The following MAMLD1 variants were observed in gnomAD, a reference collection of about 807,000 sequenced individuals.
MAMLD1 encodes mastermind-like domain-containing protein 1.
MAMLD1 carries 14 observed loss-of-function variants against 45.0 expected under a neutral mutation model. The observed-to-expected ratio is 0.31, with a 90% CI of 0.21 to 0.49. MAMLD1 has a LOEUF of 0.49. MAMLD1 is among the 20% of genes least tolerant of loss of function. MAMLD1 has a pLI of 0.99. For synonymous variants in MAMLD1, 254 were observed against 247.8 expected (o/e 1.02, Z -0.24); for missense variants, 543 against 603.6 (o/e 0.90, Z 1.05).
intron 3 of MAMLD1, 120 bp from the exon 4 acceptor site, chrX:150,469,624 TC>T: frequency 1.8e-6 from 1 of 551,522 alleles, no homozygotes; most frequent in Admixed American, 3.3e-5. Flanking sequence ...TCTCTCTCTC[TC>T]TTTCTCTCTG....
rs782596241 is a variant in MAMLD1 at position 150,470,830 on chromosome X, G to A, written c.1257G>A (p.Pro419=). 6.1e-5 allele frequency: 74 copies of A among 1,210,173 alleles called. No homozygotes were observed. Among genetic ancestry groups the A allele is most frequent in the Middle Eastern group, 2.3e-4 (1 of 4,375 alleles). Residue 419 remains proline, a synonymous_variant, in exon 4 of 8, where the codon CCG becomes CCA. Coordinates refer to ENST00000370401, the MANE Select transcript of MAMLD1 (RefSeq NM_005491.5). ...KLPSPALTQQ[P]QFGPQSSILA... is the part of the protein sequence containing the mutation. ...CCAGCCCTGCTCTCACTCAACAGCC[G>A]CAGTTCGGCCCTCAGAGCTCCATTC... is the stretch of plus-strand genomic sequence containing the variant.
At chrX:150,427,823 T>A (rs1201165971) in intron 1 of MAMLD1, among the ~76,000 whole-genome samples, 1 of 111,621 alleles carries the variant, frequency 9.0e-6, no homozygotes, top group Non-Finnish European at 1.9e-5. Context: ...TTCTAAAGAT[T>A]TCAGCCTTTT....
intron 1 of MAMLD1, among the ~76,000 whole-genome samples, chrX:150,367,135 T>G (rs1557400784): frequency 1.8e-5 from 2 of 109,674 alleles, no homozygotes. Context: ...AATTCCATGT[T>G]AGGAAATCAT....
intron 1 of MAMLD1, among the ~76,000 whole-genome samples, chrX:150,371,265 T>A (rs781975626): frequency 5.5e-4 from 61 of 110,795 alleles, no homozygotes; most frequent in Non-Finnish European, 1.1e-3. Flanking sequence ...AACCAGTAAG[T>A]GGATTTTGGG....
intron 2 of MAMLD1, among the ~76,000 whole-genome samples, chrX:150,454,428 T>C (rs2035773504): frequency 8.9e-6 from 1 of 112,020 alleles, no homozygotes; most frequent in Non-Finnish European, 1.9e-5. Context: ...ACTTAGAAAA[T>C]GCCTTGCCCT....
intron 1 of MAMLD1, among the ~76,000 whole-genome samples, chrX:150,409,437 T>C (rs2034072502): frequency 9.0e-6 from 1 of 111,064 alleles, no homozygotes; most frequent in Non-Finnish European, 1.9e-5. Flanking sequence ...CCCGCCCATC[T>C]GATCAGTTCT....
upstream of MAMLD1, among the ~76,000 whole-genome samples, chrX:150,361,859 T>C (rs2031006964): frequency 8.9e-6 from 1 of 112,884 alleles, no homozygotes. Context: ...CCTATGTTCC[T>C]GCAGAAGCCG....
intron 5 of MAMLD1, among the ~76,000 whole-genome samples, chrX:150,490,109 G>C (rs1447275593): frequency 9.0e-6 from 1 of 111,717 alleles, no homozygotes; most frequent in African/African-American, 3.3e-5. Context: ...TGGATCTAAG[G>C]GGGAGGCTGC....
intron 1 of MAMLD1, among the ~76,000 whole-genome samples, chrX:150,436,884 C>T (rs1055596279): frequency 9.1e-6 from 1 of 110,299 alleles, no homozygotes; most frequent in Admixed American, 9.7e-5. Flanking sequence ...TTTGAAGTTG[C>T]ATTCCTTTGC....
intron 5 of MAMLD1, 55 bp from the exon 6 acceptor site, chrX:150,503,219 G>A: frequency 9.2e-7 from 1 of 1,083,027 alleles, no homozygotes; most frequent in Admixed American, 2.2e-5. Context: ...GACAAGATCA[G>A]TCAGAACCAT....
upstream of MAMLD1, among the ~76,000 whole-genome samples, chrX:150,362,125 C>G (rs1216069471): frequency 8.9e-6 from 1 of 112,290 alleles, no homozygotes; most frequent in African/African-American, 3.2e-5. Flanking sequence ...CCGCTGCCGC[C>G]ACAGCGGGTC....
chrX:150,368,657 A>G (rs1159781983), intron 1 of MAMLD1, among the ~76,000 whole-genome samples: 2 of 111,823 alleles, frequency 1.8e-5, no homozygotes, highest in Admixed American at 1.9e-4. Flanking sequence ...CCTGAATGGC[A>G]TTGCCTAGGT....
chrX:150,424,090 C>T (rs1216686746), intron 1 of MAMLD1, among the ~76,000 whole-genome samples: 1 of 112,390 alleles, frequency 8.9e-6, no homozygotes, highest in Admixed American at 9.4e-5. Context: ...AAACTCTGTT[C>T]TCTGCCATAA....
At chrX:150,469,439 T>A (rs113851166) in intron 3 of MAMLD1, among the ~76,000 whole-genome samples, 1,180 of 112,087 alleles carry the variant, frequency 0.011, 14 homozygotes, top group African/African-American at 0.036. Context: ...TGAAATGTAA[T>A]TAGACAGTTT....
intron 2 of MAMLD1, among the ~76,000 whole-genome samples, chrX:150,456,328 C>T (rs1557405337): frequency 9.0e-6 from 1 of 110,832 alleles, no homozygotes; most frequent in Non-Finnish European, 1.9e-5. Flanking sequence ...GCAACTCCTT[C>T]ACCTCAGTTT....
chrX:150,458,309 T>C (rs1313735526), intron 2 of MAMLD1, among the ~76,000 whole-genome samples: 1 of 111,153 alleles, frequency 9.0e-6, no homozygotes, highest in Non-Finnish European at 1.9e-5. Flanking sequence ...ACTAATCAGG[T>C]GTCTCTGGAA....
At chrX:150,489,963 G>A (rs1350899155) in intron 5 of MAMLD1, among the ~76,000 whole-genome samples, 4 of 111,290 alleles carry the variant, frequency 3.6e-5, no homozygotes, top group Non-Finnish European at 7.5e-5. Context: ...GTTCAACCAG[G>A]CCAATAGAGA....
chrX:150,491,997 C>T (rs1040613452), intron 5 of MAMLD1, among the ~76,000 whole-genome samples: 4 of 112,592 alleles, frequency 3.6e-5, no homozygotes, highest in African/African-American at 1.3e-4. Flanking sequence ...TGGCCAGCTG[C>T]CCAAGATTGC....
intron 1 of MAMLD1, among the ~76,000 whole-genome samples, chrX:150,365,004 G>A (rs782340610): frequency 8.9e-6 from 1 of 112,138 alleles, no homozygotes; most frequent in Non-Finnish European, 1.9e-5. Flanking sequence ...TGCACCCGCC[G>A]GGGCTTCCCG....
Sources: allele counts gnomAD v4.1 joint callset (sites outside exome capture counted in the v4.1 genomes callset), GRCh38; gene constraint gnomAD v4.1.1; transcripts MANE v1.5; gene names NCBI Gene and HGNC (gene_info 2026-07-23, HGNC 2026-07-21).